The following AFG2B variants were observed in gnomAD, a reference collection of about 807,000 sequenced individuals.
AFG2B encodes the protein AAA ATPase AFG2B.
At chr15:45,419,027 G>A in the AFG2B span, among the ~76,000 whole-genome samples, 5 of 152,152 alleles carry the variant, frequency 3.3e-5, no homozygotes, top group Non-Finnish European at 5.9e-5. Flanking sequence ...AGGACAAATC[G>A]GGAGTTAGCC....
chr15:45,404,072 C>T, the AFG2B span, among the ~76,000 whole-genome samples: 1 of 152,158 alleles, frequency 6.6e-6, no homozygotes, highest in East Asian at 1.9e-4. Flanking sequence ...CCTGAGTTGT[C>T]AGGGAGGTTG....
the AFG2B span, chr15:45,416,743 T>C: frequency 6.5e-6 from 1 of 152,878 alleles, no homozygotes; most frequent in Non-Finnish European, 1.5e-5. Context: ...GCTTAGTATA[T>C]GTAAAGCCTT....
At chr15:45,412,808 A>T in the AFG2B span, among the ~76,000 whole-genome samples, 1 of 152,212 alleles carries the variant, frequency 6.6e-6, no homozygotes, top group Non-Finnish European at 1.5e-5. Context: ...AGTGGATTTC[A>T]CAGTGGAAGC....
chr15:45,408,197 C>G, the AFG2B span, among the ~76,000 whole-genome samples: 1 of 152,140 alleles, frequency 6.6e-6, no homozygotes, highest in Non-Finnish European at 1.5e-5. Context: ...TTGATTTCTT[C>G]TAAAATTATT....
At chr15:45,415,545 T>C in the AFG2B span, 4 of 1,488,432 alleles carry the variant, frequency 2.7e-6, no homozygotes. Context: ...ACATGACTAA[T>C]GTATAACATA....
chr15:45,418,344 A>C, the AFG2B span, among the ~76,000 whole-genome samples: 1 of 126,452 alleles, frequency 7.9e-6, no homozygotes, highest in Non-Finnish European at 1.6e-5. Flanking sequence ...ACTCCATCTC[A>C]AAAAAAAAAA....
chr15:45,419,997 C>CAA, the AFG2B span, among the ~76,000 whole-genome samples: 45 of 53,646 alleles, frequency 8.4e-4, no homozygotes, highest in Admixed American at 1.2e-3. Context: ...CCCCCCCCCC[C>CAA]AAAAAAAAAA....
At chr15:45,405,449 G>C in the AFG2B span, 1 of 1,614,028 alleles carries the variant, frequency 6.2e-7, no homozygotes, top group Non-Finnish European at 8.5e-7. Context: ...TGTTGGTGCC[G>C]ACCTGACAGC....
At chr15:45,403,634 T>G in the AFG2B span, 120 of 1,079,692 alleles carry the variant, frequency 1.1e-4, no homozygotes, top group Non-Finnish European at 1.3e-4. Flanking sequence ...AGGTTGGAGT[T>G]GGGGCTCTTT....
At chr15:45,415,552 CAT>C in the AFG2B span, 5 of 1,484,632 alleles carry the variant, frequency 3.4e-6, no homozygotes, top group Non-Finnish European at 4.7e-6. Flanking sequence ...TAATGTATAA[CAT>C]ATAGCTTTTT....
chr15:45,403,061 C>T, the AFG2B span: 4 of 1,545,026 alleles, frequency 2.6e-6, no homozygotes, highest in Non-Finnish European at 3.5e-6. Flanking sequence ...GCGGCCGACT[C>T]GCTGCGGGAG....
chr15:45,403,508 T>G, the AFG2B span: 1 of 1,602,912 alleles, frequency 6.2e-7, no homozygotes, highest in African/African-American at 1.4e-5. Context: ...CCCGGGAGAT[T>G]TGACCGAGAG....
the AFG2B span, chr15:45,421,140 G>A: frequency 6.2e-7 from 1 of 1,613,158 alleles, no homozygotes; most frequent in Middle Eastern, 1.7e-4. Context: ...CCGTCGTTAA[G>A]TTGCAAGGAC....
chr15:45,413,903 TA>T, the AFG2B span, among the ~76,000 whole-genome samples: 4 of 152,144 alleles, frequency 2.6e-5, no homozygotes, highest in African/African-American at 7.2e-5. Context: ...TTAAAGTGGT[TA>T]AAAACCATTT....
the AFG2B span, chr15:45,417,109 T>A: frequency 1.3e-6 from 1 of 749,540 alleles, no homozygotes; most frequent in Non-Finnish European, 2.1e-6. Flanking sequence ...TTCTGGGATA[T>A]CTTGATATCA....
the AFG2B span, chr15:45,406,985 G>C: frequency 7.9e-7 from 1 of 1,269,206 alleles, no homozygotes; most frequent in South Asian, 1.2e-5. Context: ...GTAAGCAGGA[G>C]ATGGGAAGGG....
chr15:45,414,866 G>T, the AFG2B span: 5 of 1,178,804 alleles, frequency 4.2e-6, no homozygotes, highest in South Asian at 7.4e-5. Context: ...AATATTACTA[G>T]TGTTTTTTCC....
the AFG2B span, chr15:45,416,803 A>G: frequency 6.5e-6 from 1 of 153,160 alleles, no homozygotes; most frequent in African/African-American, 2.4e-5. Context: ...CGCACCTGCA[A>G]CTTAGATTGT....
At chr15:45,409,748 C>G in the AFG2B span, among the ~76,000 whole-genome samples, 1 of 151,930 alleles carries the variant, frequency 6.6e-6, no homozygotes, top group Admixed American at 6.6e-5. Context: ...TGGCACATAC[C>G]TGTAGTTCTA....
Sources: gnomAD v4.1 joint callset for allele counts (sites outside exome capture counted in the v4.1 genomes callset) on GRCh38, gnomAD v4.1.1 for gene constraint, MANE v1.5 for transcripts, NCBI Gene and HGNC (gene_info 2026-07-23, HGNC 2026-07-21) for gene names.